MYRFL: variants seen among roughly 807,000 people sequenced by gnomAD.
MYRFL encodes myelin regulatory factor-like protein.
Under a neutral mutation model 109.4 loss-of-function variants are expected in MYRFL, and 88 were observed. The ratio of observed to expected loss-of-function variants is 0.80; its 90% CI spans 0.68 to 0.96. The LOEUF (loss-of-function observed/expected upper bound fraction) is 0.96, where lower values mean the gene tolerates loss of function less well. Ranked by LOEUF, MYRFL falls within the 40% of genes least tolerant of loss-of-function variation. MYRFL has a pLI of 0.00. For missense variants in MYRFL, 957 were observed against 954.9 expected (o/e 1.00, Z -0.03); for synonymous variants, 324 against 320.9 (o/e 1.01, Z -0.10).
intron 8 of MYRFL, 51 bp from the exon 9 acceptor site, chr12:69,895,320 T>C: frequency 7.7e-7 from 1 of 1,296,378 alleles, no homozygotes; most frequent in Non-Finnish European, 1.1e-6. Context: ...GATCAGAGAT[T>C]TGGTGTTCTC....
chr12:69,858,802 A>G (rs949195496), intron 2 of MYRFL, among the ~76,000 whole-genome samples: 2 of 151,444 alleles, frequency 1.3e-5, no homozygotes. Context: ...TTTTGATGTC[A>G]TTGATTTTCT....
chr12:69,898,824 C>T (rs536995311), intron 10 of MYRFL, among the ~76,000 whole-genome samples: 27 of 152,248 alleles, frequency 1.8e-4, no homozygotes, highest in East Asian at 1.4e-3. Flanking sequence ...CAAAGCTATA[C>T]GCAGCTGCTG....
chr12:69,879,964 C>G (rs1022097066), intron 4 of MYRFL, among the ~76,000 whole-genome samples: 4 of 152,150 alleles, frequency 2.6e-5, no homozygotes, highest in Non-Finnish European at 2.9e-5. Context: ...AAGTCTGTAT[C>G]TTCCCTGTCT....
At chr12:69,954,706 T>C (rs1956056743) in intron 21 of MYRFL, among the ~76,000 whole-genome samples, 1 of 152,234 alleles carries the variant, frequency 6.6e-6, no homozygotes, top group Non-Finnish European at 1.5e-5. Context: ...GGTCAGGTAA[T>C]AAGGAGAACT....
chr12:69,891,609 T>TTCTTTCTTTCTTTCTTTCTTTC (rs1566002050), intron 7 of MYRFL, among the ~76,000 whole-genome samples: 1 of 105,650 alleles, frequency 9.5e-6, no homozygotes, highest in African/African-American at 4.7e-5. Flanking sequence ...TTCTTTCTCT[T>TTCTTTCTTTCTTTCTTTCTTTC]TCTTTCTTTC....
chr12:69,881,997 A>G (rs992411040), intron 5 of MYRFL, among the ~76,000 whole-genome samples: 1 of 152,188 alleles, frequency 6.6e-6, no homozygotes, highest in African/African-American at 2.4e-5. Flanking sequence ...AGGACAAGTC[A>G]CTCAAACCTT....
chr12:69,867,356 G>C (rs1392022343), intron 2 of MYRFL, among the ~76,000 whole-genome samples: 1 of 152,248 alleles, frequency 6.6e-6, no homozygotes, highest in African/African-American at 2.4e-5. Flanking sequence ...TGTGTGCAGG[G>C]AAGGTAAGGG....
chr12:69,851,305 T>C (rs1282638719), intron 1 of MYRFL, among the ~76,000 whole-genome samples: 3 of 152,228 alleles, frequency 2.0e-5, no homozygotes, highest in African/African-American at 4.8e-5. Context: ...AATATACTTA[T>C]GGAACAAACT....
At chr12:69,901,020 C>A (rs1199740466) in intron 10 of MYRFL, among the ~76,000 whole-genome samples, 1 of 152,110 alleles carries the variant, frequency 6.6e-6, no homozygotes, top group African/African-American at 2.4e-5. Flanking sequence ...CCCACAATAA[C>A]CCTATGAGGT....
At chr12:69,945,529 T>G (rs1364478691) in intron 19 of MYRFL, among the ~76,000 whole-genome samples, 1 of 152,124 alleles carries the variant, frequency 6.6e-6, no homozygotes, top group African/African-American at 2.4e-5. Context: ...ACAATCTAGG[T>G]TTGTGAAGTA....
chr12:69,908,328 T>C (rs11177956), intron 11 of MYRFL, among the ~76,000 whole-genome samples: 5 of 152,070 alleles, frequency 3.3e-5, no homozygotes, highest in African/African-American at 1.2e-4. Flanking sequence ...TTGTGACTCA[T>C]GCTATGAAGG....
At position 69,926,932 on chromosome 12, in the gene MYRFL, G is replaced by GTTTTTTTTTTTTT. The variant is rs1336716063; in HGVS notation, c.1766+198_1766+199insTTTTTTTTTTTTT. Among the ~76,000 whole-genome samples the GTTTTTTTTTTTTT allele has an allele frequency of 5.0e-3, 384 of 76,850 alleles. 150 individuals carry two copies. The highest frequency in any genetic ancestry group is 7.5e-3 in the Non-Finnish European group (294 of 39,078). The allele number at this position is 76,850 out of a possible 152,430, so 50.4% of individuals were successfully genotyped here. A position where few individuals can be genotyped will look rare whatever the true frequency, so the allele number is the denominator to read the frequency against. ...ACTTTCTTAGTTTTTTTCTGTTGCT[G>GTTTTTTTTTTTTT]GTTTTTTTTTTTTTTTTTTTTTTTT... On this transcript the variant is annotated intron_variant, in intron 14 of 24. Coordinates refer to ENST00000552032, the MANE Select transcript of MYRFL (RefSeq NM_182530.3).
intron 1 of MYRFL, among the ~76,000 whole-genome samples, chr12:69,832,822 TG>T (rs1304036767): frequency 3.3e-5 from 5 of 151,886 alleles, no homozygotes; most frequent in African/African-American, 1.2e-4. Context: ...CAGGGGCAGA[TG>T]GGTGGGACGT....
intron 11 of MYRFL, among the ~76,000 whole-genome samples, chr12:69,906,049 G>A (rs1334010653): frequency 2.0e-5 from 3 of 152,194 alleles, no homozygotes; most frequent in African/African-American, 7.2e-5. Flanking sequence ...AACCACAGCT[G>A]GCTTCTGAAT....
At chr12:69,946,121 A>G (rs2120527601) in intron 19 of MYRFL, among the ~76,000 whole-genome samples, 1 of 152,036 alleles carries the variant, frequency 6.6e-6, no homozygotes, top group East Asian at 1.9e-4. Context: ...ATGTTCCCCT[A>G]AAAGCAGTAG....
chr12:69,851,539 CT>C, intron 1 of MYRFL, among the ~76,000 whole-genome samples: 1 of 152,238 alleles, frequency 6.6e-6, no homozygotes, highest in South Asian at 2.1e-4. Flanking sequence ...AAAAGGAGAG[CT>C]TTTACAGTGA....
intron 5 of MYRFL, among the ~76,000 whole-genome samples, chr12:69,880,650 A>C (rs1886018233): frequency 6.6e-6 from 1 of 152,200 alleles, no homozygotes; most frequent in South Asian, 2.1e-4. Flanking sequence ...AATCCTTCTC[A>C]ACCTTAATGT....
chr12:69,905,093 A>G (rs1026497), intron 11 of MYRFL, among the ~76,000 whole-genome samples: 51,021 of 152,086 alleles, frequency 0.34, 9,001 homozygotes, highest in African/African-American at 0.43. Context: ...TCCAGATGTC[A>G]GTCCTAGATA....
intron 13 of MYRFL, among the ~76,000 whole-genome samples, chr12:69,917,089 G>A (rs1456392564): frequency 6.6e-6 from 1 of 152,080 alleles, no homozygotes; most frequent in Non-Finnish European, 1.5e-5. Context: ...GTGGTTCTCA[G>A]CCCTAAAGAC....
Sources: gnomAD v4.1 joint callset for allele counts (sites outside exome capture counted in the v4.1 genomes callset) on GRCh38, gnomAD v4.1.1 for gene constraint, MANE v1.5 for transcripts, NCBI Gene and HGNC (gene_info 2026-07-23, HGNC 2026-07-21) for gene names.